DLGAP2: variants seen among roughly 807,000 people sequenced by gnomAD.
DLGAP2 encodes disks large-associated protein 2.
In DLGAP2, 26 loss-of-function variants were observed where a neutral mutation model predicts 100.3. That is an observed-to-expected ratio of 0.26 (90% CI 0.19 to 0.36). The LOEUF (loss-of-function observed/expected upper bound fraction) is 0.36. Among genes scored for constraint, DLGAP2 ranks in the 10% least tolerant of loss-of-function variants. The pLI is 1.00. For synonymous variants in DLGAP2, 886 were observed against 630.1 expected (o/e 1.41, Z -6.08); for missense variants, 1,858 against 1,453.2 (o/e 1.28, Z -4.53).
chr8:1,428,117 GA>G (rs1797289242), intron 3 of DLGAP2, among the ~76,000 whole-genome samples: 1 of 151,030 alleles, frequency 6.6e-6, no homozygotes, highest in East Asian at 1.9e-4. Context: ...ATAAGAGAAA[GA>G]AAATGATAAA....
intron 3 of DLGAP2, among the ~76,000 whole-genome samples, chr8:1,356,870 A>G (rs1801865454): frequency 6.6e-6 from 1 of 152,200 alleles, no homozygotes; most frequent in Non-Finnish European, 1.5e-5. Context: ...CCGCACAATG[A>G]GGAAACACCT....
intron 5 of DLGAP2, among the ~76,000 whole-genome samples, chr8:1,565,236 G>A (rs2956915): frequency 0.37 from 55,609 of 151,892 alleles, 11,131 homozygotes; most frequent in Middle Eastern, 0.52. Context: ...ATTTAAAACC[G>A]TCCTCTTTTA....
At position 787,886 on chromosome 8, in the gene DLGAP2, G is replaced by C. The variant is rs976897299; in HGVS notation, c.18+50061G>C. 5.3e-5 allele frequency among the ~76,000 whole-genome samples: 8 copies of C among 152,328 alleles called. No individual in the cohort carries two copies. The East Asian group carries it at 1.5e-3, about 29-fold the overall frequency. On this transcript the variant is annotated intron_variant, in intron 1 of 14. Coordinates refer to ENST00000637795, the MANE Select transcript of DLGAP2 (RefSeq NM_001346810.2). Reference sequence around the variant, plus strand: ...GAGGGATGAGGGGTGACGAGAGGCTGTTCCTCTAATTTTCACCAAATTGAT... The same window carrying C: ...GAGGGATGAGGGGTGACGAGAGGCTCTTCCTCTAATTTTCACCAAATTGAT...
chr8:913,186 G>A (rs1193431961), intron 2 of DLGAP2, among the ~76,000 whole-genome samples: 2 of 152,162 alleles, frequency 1.3e-5, no homozygotes, highest in Non-Finnish European at 2.9e-5. Flanking sequence ...CTTTATTAAT[G>A]TTTCTGCATG....
At chr8:1,568,149 G>A (rs368452022) in intron 6 of DLGAP2, among the ~76,000 whole-genome samples, 1,677 of 140,304 alleles carry the variant, frequency 0.012, 16 homozygotes, top group Non-Finnish European at 0.017. Flanking sequence ...CACTCTGCCC[G>A]TGGCCCCCAT....
At chr8:750,758 A>AT (rs934801819) in intron 1 of DLGAP2, among the ~76,000 whole-genome samples, 1 of 152,226 alleles carries the variant, frequency 6.6e-6, no homozygotes, top group African/African-American at 2.4e-5. Context: ...TTTCAGGCTG[A>AT]TGGGAGAACA....
chr8:1,482,436 T>C (rs1799123011), intron 3 of DLGAP2, among the ~76,000 whole-genome samples: 1 of 152,276 alleles, frequency 6.6e-6, no homozygotes, highest in South Asian at 2.1e-4. Context: ...TTGCATTTCT[T>C]TTTAAAGAAT....
At chr8:1,003,258 C>G (rs1389008198) in intron 2 of DLGAP2, 4 of 152,284 alleles carry the variant, frequency 2.6e-5, no homozygotes, top group African/African-American at 9.7e-5. Context: ...GCACTGCCCT[C>G]TTCCTTCACT....
intron 2 of DLGAP2, among the ~76,000 whole-genome samples, chr8:933,071 T>A (rs1798994637): frequency 6.6e-6 from 1 of 152,244 alleles, no homozygotes; most frequent in Middle Eastern, 3.2e-3. Context: ...TCTATAAGCA[T>A]ACCTTCCGAT....
chr8:1,665,097 G>C (rs374413517), intron 8 of DLGAP2, among the ~76,000 whole-genome samples: 96 of 152,250 alleles, frequency 6.3e-4, no homozygotes, highest in African/African-American at 2.2e-3. Flanking sequence ...AAAGTGAGAA[G>C]ATGTGGTATG....
intron 2 of DLGAP2, among the ~76,000 whole-genome samples, chr8:956,050 T>C (rs1285268565): frequency 6.6e-6 from 1 of 152,186 alleles, no homozygotes; most frequent in Non-Finnish European, 1.5e-5. Context: ...TGGAGTTAAA[T>C]TCCCTGGTGG....
At chr8:1,085,139 C>G (rs79786083) in intron 2 of DLGAP2, among the ~76,000 whole-genome samples, 1 of 152,226 alleles carries the variant, frequency 6.6e-6, no homozygotes, top group Admixed American at 6.5e-5. Context: ...CTACATGTGC[C>G]TGTTGGCCAT....
chr8:838,157 T>G (rs1796916390), intron 1 of DLGAP2, among the ~76,000 whole-genome samples: 1 of 152,106 alleles, frequency 6.6e-6, no homozygotes, highest in African/African-American at 2.4e-5. Flanking sequence ...TAAACATACT[T>G]TACAATAATT....
At chr8:1,251,628 TTGA>T (rs548568439) in intron 2 of DLGAP2, among the ~76,000 whole-genome samples, 151 of 152,320 alleles carry the variant, frequency 9.9e-4, no homozygotes, top group African/African-American at 3.5e-3. Flanking sequence ...CATCACTCAG[TTGA>T]TGATGAGTGG....
intron 2 of DLGAP2, among the ~76,000 whole-genome samples, chr8:941,406 G>A (rs1799192272): frequency 6.6e-6 from 1 of 152,118 alleles, no homozygotes; most frequent in Admixed American, 6.5e-5. Flanking sequence ...TGCTTTGTCA[G>A]CCAAGGGTCT....
intron 6 of DLGAP2, among the ~76,000 whole-genome samples, chr8:1,625,378 A>G (rs949839248): frequency 6.6e-6 from 1 of 152,254 alleles, no homozygotes; most frequent in Non-Finnish European, 1.5e-5. Flanking sequence ...CAGACCTTTC[A>G]TCGGCCAAAC....
intron 3 of DLGAP2, among the ~76,000 whole-genome samples, chr8:1,337,247 GTGA>G (rs1266721006): frequency 0.02 from 2,959 of 148,606 alleles, 107 homozygotes; most frequent in African/African-American, 0.068. Context: ...GAGAATGATG[GTGA>G]TGATGGTGGT....
rs1291341291 is a variant in DLGAP2, at chr8:1,701,823, C to T, written c.*417C>T. The T allele has an allele frequency of 5.8e-6, 1 of 172,450 alleles. No homozygotes were observed. The highest frequency in any genetic ancestry group is 1.7e-4 in the East Asian group (1 of 6,026). The allele number at this position is 172,450 out of a possible 1,614,324, so 10.7% of individuals were successfully genotyped here. A position where few individuals can be genotyped will look rare whatever the true frequency, so the allele number is the denominator to read the frequency against. On this transcript the variant is annotated 3_prime_UTR_variant, in exon 15 of 15. Transcript: ENST00000637795. ...CTATAAACGGGTGCATCCCACCACT[C>T]CCTGGAGGCATTAGACACCCAAGTG...
intron 2 of DLGAP2, among the ~76,000 whole-genome samples, chr8:948,735 C>T (rs985366089): frequency 5.3e-5 from 8 of 152,248 alleles, no homozygotes; most frequent in African/African-American, 7.2e-5. Flanking sequence ...TTCTCACTGC[C>T]CCTGGGGCTG....
Sources: gnomAD v4.1 joint callset for allele counts (sites outside exome capture counted in the v4.1 genomes callset) on GRCh38, gnomAD v4.1.1 for gene constraint, MANE v1.5 for transcripts, NCBI Gene and HGNC (gene_info 2026-07-23, HGNC 2026-07-21) for gene names.